Variants in ACAD11 observed in about 807,000 individuals in gnomAD.
ACAD11 encodes the protein acyl-Coenzyme A dehydrogenase family, member 11.
Under a neutral mutation model 102.2 loss-of-function variants are expected in ACAD11, and 83 were observed. That is an observed-to-expected ratio of 0.81 (90% CI 0.68 to 0.97). The LOEUF is 0.97. Ranked by LOEUF, ACAD11 falls within the 50% of genes least tolerant of loss-of-function variation. The pLI is 0.00. For missense variants in ACAD11, 901 were observed against 951.7 expected (o/e 0.95, Z 0.70); for synonymous variants, 324 against 319.8 (o/e 1.01, Z -0.14).
intron 13 of ACAD11, 61 bp downstream of exon 13, chr3:132,603,168 A>G (rs909519222): frequency 2.3e-6 from 3 of 1,301,896 alleles, no homozygotes; most frequent in South Asian, 2.4e-5. Flanking sequence ...GCAATATTCT[A>G]GCATAGCATC....
At chr3:132,658,595 A>G (rs1937944136) in intron 1 of ACAD11, among the ~76,000 whole-genome samples, 1 of 152,238 alleles carries the variant, frequency 6.6e-6, no homozygotes, top group South Asian at 2.1e-4. Context: ...GTTACAACAC[A>G]AGGCTTCTAG....
chr3:132,646,997 A>G (rs1034157968), intron 1 of ACAD11: 1 of 152,242 alleles, frequency 6.6e-6, no homozygotes, highest in African/African-American at 2.4e-5. Context: ...TTTTAGAACT[A>G]GATAGTGGTG....
intron 13 of ACAD11, among the ~76,000 whole-genome samples, chr3:132,580,033 G>A (rs996408250): frequency 4.0e-5 from 6 of 151,878 alleles, no homozygotes; most frequent in African/African-American, 1.4e-4. Context: ...AGGGGTCTGT[G>A]GCAATTGCCT....
At chr3:132,609,555 C>T (rs1939019009) in intron 11 of ACAD11, among the ~76,000 whole-genome samples, 1 of 152,170 alleles carries the variant, frequency 6.6e-6, no homozygotes, top group Non-Finnish European at 1.5e-5. Flanking sequence ...CTCCTGGACA[C>T]ATATACCCTC....
At chr3:132,641,656 AGAAGAGGAGGAAGAAGAG>A in intron 4 of ACAD11, among the ~76,000 whole-genome samples, 2 of 149,444 alleles carry the variant, frequency 1.3e-5, no homozygotes, top group East Asian at 2.1e-4. Flanking sequence ...AAGAGGAGGA[AGAAGAGGAGGAAGAAGAG>A]GAAGAGGAAG....
chr3:132,615,531 A>T (rs1939370302), intron 11 of ACAD11, among the ~76,000 whole-genome samples: 2 of 152,186 alleles, frequency 1.3e-5, no homozygotes, highest in Admixed American at 1.3e-4. Context: ...TTGCAGGGAC[A>T]TGGATGAAGC....
Position 132,572,587 on chromosome 3 carries a change from G to A in ACAD11, c.2001+3185C>T, listed in dbSNP as rs114875411. On this transcript the variant is annotated intron_variant, in intron 17 of 19. Transcript: ENST00000264990. ...CCAAGAAAGAGCCCAAATAGCCAAG[G>A]CACTCCTAAACAAAAAGAACAAAGC... Among the ~76,000 whole-genome samples the A allele has an allele frequency of 6.2e-3, 941 of 152,170 alleles. 13 individuals are homozygous for A. The highest frequency in any genetic ancestry group is 0.022 in the African/African-American group (908 of 41,508).
chr3:132,618,602 G>GA, intron 11 of ACAD11, 32 bp downstream of exon 11: 1 of 1,507,860 alleles, frequency 6.6e-7, no homozygotes, highest in Non-Finnish European at 8.8e-7. Context: ...CAAAATATTA[G>GA]AAAAAATTAT....
In ACAD11 at chr3:132,656,527, T is replaced by C. The variant is rs147935496; in HGVS notation, c.149+3076A>G. On this transcript the variant is annotated intron_variant, in intron 1 of 19. Transcript: ENST00000264990. Reference sequence around the variant, plus strand: ...TTTTTTTTGAGACGGAGTCTGCCTCTGACTCACCCAGACTGGAGTGCAGTG... The same window carrying C: ...TTTTTTTTGAGACGGAGTCTGCCTCCGACTCACCCAGACTGGAGTGCAGTG... Among the ~76,000 whole-genome samples the C allele has an allele frequency of 6.6e-4, 100 of 151,420 alleles. 1 individual carries two copies. The highest frequency in any genetic ancestry group is 1.9e-3 in the African/African-American group (77 of 41,044).
At chr3:132,587,389 C>T (rs774033096) in intron 13 of ACAD11, among the ~76,000 whole-genome samples, 2 of 152,104 alleles carry the variant, frequency 1.3e-5, no homozygotes, top group Non-Finnish European at 2.9e-5. Flanking sequence ...TCTGTTATCT[C>T]CATTATGTTA....
intron 19 of ACAD11, 50 bp from the exon 20 acceptor site, chr3:132,559,135 A>G (rs1041926555): frequency 2.3e-6 from 3 of 1,277,580 alleles, no homozygotes; most frequent in Non-Finnish European, 3.4e-6. Context: ...GAAGAGGAAC[A>G]TGATACTTTG....
chr3:132,642,086 T>C lies in ACAD11; in HGVS notation c.423A>G (p.Glu141=). ...DLTIPGLSPA[E]RSAIYVATVE... ...CCGTGGCCACATATATGGCTGAACG[T>C]TCTGCTGGGCTAAGTCCAGGAATTG... The change falls in exon 4 of 20, where the codon GAA becomes GAG. Residue 141 remains glutamate, a synonymous_variant. Coordinates refer to ENST00000264990, the MANE Select transcript of ACAD11 (RefSeq NM_032169.5). The C allele has an allele frequency of 6.2e-7, 1 of 1,614,090 alleles. No individual in the cohort carries two copies. Among genetic ancestry groups the C allele is most frequent in the Non-Finnish European group, 8.5e-7 (1 of 1,179,972 alleles).
At chr3:132,575,695 C>T in intron 17 of ACAD11, 77 bp downstream of exon 17, 2 of 1,556,154 alleles carry the variant, frequency 1.3e-6, no homozygotes, top group African/African-American at 1.4e-5. Flanking sequence ...AAGTCTGTCT[C>T]TCACAAGTAA....
intron 13 of ACAD11, among the ~76,000 whole-genome samples, chr3:132,585,844 G>C (rs1937796196): frequency 6.6e-6 from 1 of 152,178 alleles, no homozygotes; most frequent in Non-Finnish European, 1.5e-5. Context: ...GGAAACAACA[G>C]GTGCTGGAGA....
At chr3:132,566,296 C>CAAAAAAAAAAAAAAAA (rs371477145) in intron 17 of ACAD11, among the ~76,000 whole-genome samples, 3 of 61,862 alleles carry the variant, frequency 4.8e-5, no homozygotes, top group East Asian at 3.1e-4. Context: ...AAAACAAACT[C>CAAAAAAAAAAAAAAAA]AAAAAAACAA....
chr3:132,621,935 C>T (rs1259039354), intron 9 of ACAD11, among the ~76,000 whole-genome samples: 1 of 150,094 alleles, frequency 6.7e-6, no homozygotes, highest in African/African-American at 2.5e-5. Context: ...GCCGAGATTG[C>T]CCCACCCCAC....
chr3:132,566,105 T>C (rs1937201130), intron 17 of ACAD11, among the ~76,000 whole-genome samples: 1 of 151,698 alleles, frequency 6.6e-6, no homozygotes, highest in Non-Finnish European at 1.5e-5. Context: ...ATAGAAAGCC[T>C]CAGCAAAGAA....
At chr3:132,628,277 A>G in intron 8 of ACAD11, 63 bp downstream of exon 8, 3 of 1,170,354 alleles carry the variant, frequency 2.6e-6, no homozygotes, top group Non-Finnish European at 3.7e-6. Flanking sequence ...CCTAAAGTGT[A>G]TAACCTTCAC....
At chr3:132,621,914 G>C (rs1347972679) in intron 9 of ACAD11, among the ~76,000 whole-genome samples, 2 of 150,732 alleles carry the variant, frequency 1.3e-5, no homozygotes, top group Non-Finnish European at 2.9e-5. Flanking sequence ...AGGAAGCAGA[G>C]GTTGCAGTGA....
Sources: gnomAD v4.1 joint callset for allele counts (sites outside exome capture counted in the v4.1 genomes callset) on GRCh38, gnomAD v4.1.1 for gene constraint, MANE v1.5 for transcripts, NCBI Gene and HGNC (gene_info 2026-07-23, HGNC 2026-07-21) for gene names.